TMEM40: variants seen among roughly 807,000 people sequenced by gnomAD.
TMEM40 encodes transmembrane protein 40.
In TMEM40, 34 loss-of-function variants were observed where a neutral mutation model predicts 40.8. The ratio of observed to expected loss-of-function variants is 0.83; its 90% CI spans 0.63 to 1.11. The LOEUF is 1.11. TMEM40 is among the 50% of genes least tolerant of loss of function. The pLI is 0.00. For missense variants in TMEM40, 296 were observed against 280.2 expected (o/e 1.06, Z -0.40); for synonymous variants, 106 against 107.0 (o/e 0.99, Z 0.06).
chr3:12,753,870 C>G (rs1310160461), intron 1 of TMEM40, among the ~76,000 whole-genome samples: 1 of 152,226 alleles, frequency 6.6e-6, no homozygotes, highest in Admixed American at 6.5e-5. Flanking sequence ...CTTCTGCTGT[C>G]ACAGGGCCTG....
chr3:12,750,688 T>C (rs1178827065), intron 1 of TMEM40, among the ~76,000 whole-genome samples: 1 of 152,088 alleles, frequency 6.6e-6, no homozygotes, highest in Admixed American at 6.6e-5. Flanking sequence ...GTTAAGGCAA[T>C]CCTCCCACCG....
chr3:12,745,155 G>A (rs778643816), intron 3 of TMEM40, among the ~76,000 whole-genome samples: 5 of 151,766 alleles, frequency 3.3e-5, no homozygotes, highest in African/African-American at 7.3e-5. Context: ...CACCTCCCAG[G>A]CACAAGCGAT....
chr3:12,747,910 C>CAAAAAAAAAA (rs747586371), intron 3 of TMEM40, among the ~76,000 whole-genome samples: 9 of 27,568 alleles, frequency 3.3e-4, no homozygotes, highest in African/African-American at 8.8e-4. Context: ...GATTCTGTCT[C>CAAAAAAAAAA]AAAAAAAAAA....
chr3:12,762,781 C>T (rs753958507), upstream of TMEM40, among the ~76,000 whole-genome samples: 3 of 152,172 alleles, frequency 2.0e-5, no homozygotes, highest in Non-Finnish European at 4.4e-5. Flanking sequence ...GACCCCATCC[C>T]GGGCCTGAAT....
chr3:12,755,278 T>TCTTTCTTC (rs2061518531), intron 1 of TMEM40, among the ~76,000 whole-genome samples: 2 of 127,568 alleles, frequency 1.6e-5, no homozygotes, highest in Admixed American at 7.8e-5. Flanking sequence ...TTTCTTTCTT[T>TCTTTCTTC]CTTTCTTCTT....
intron 10 of TMEM40, 26 bp from the exon 11 acceptor site, chr3:12,735,643 A>C: frequency 6.2e-7 from 1 of 1,606,162 alleles, no homozygotes; most frequent in East Asian, 2.2e-5. Flanking sequence ...GAAAAAAGTA[A>C]GTTAAGTTTG....
At chr3:12,745,605 T>G (rs775629106) in intron 3 of TMEM40, among the ~76,000 whole-genome samples, 7 of 152,120 alleles carry the variant, frequency 4.6e-5, no homozygotes, top group South Asian at 2.1e-4. Flanking sequence ...TGTGCCACCA[T>G]GCCCAGCTAA....
At chr3:12,753,796 G>C (rs2061497587) in intron 1 of TMEM40, among the ~76,000 whole-genome samples, 1 of 152,172 alleles carries the variant, frequency 6.6e-6, no homozygotes, top group Non-Finnish European at 1.5e-5. Context: ...TGGTGCCAGG[G>C]CCTCTGTACC....
intron 1 of TMEM40, among the ~76,000 whole-genome samples, chr3:12,752,215 A>C (rs2061483029): frequency 1.3e-5 from 2 of 152,138 alleles, no homozygotes; most frequent in Admixed American, 6.5e-5. Context: ...CAACCTTCTG[A>C]GTAGGTAGGA....
intron 3 of TMEM40, among the ~76,000 whole-genome samples, chr3:12,748,187 G>T (rs1420119824): frequency 2.0e-5 from 3 of 152,124 alleles, no homozygotes; most frequent in Admixed American, 2.0e-4. Flanking sequence ...ATTATGTATT[G>T]CTCTCATCCC....
In TMEM40 at chr3:12,743,928, A is replaced by G. The variant is rs2061402841; in HGVS notation, c.273T>C (p.Ala91=). ...GTGAGCCGTTCCCGTGGGGGTATCC[A>G]GCCCCCAGGCTCCGTCGATGTTTTC... is the stretch of plus-strand genomic sequence containing the variant. The part of the protein sequence containing the change: ...ATGKHRRSLG[A]GYPHGNGSPG... Residue 91 remains alanine (A), a synonymous_variant, in exon 4 of 12, where the codon GCT becomes GCC. Coordinates refer to ENST00000314124, the MANE Select transcript of TMEM40 (RefSeq NM_018306.4). 6.2e-7 allele frequency: 1 copy of G among 1,613,416 alleles called. No individual in the cohort carries two copies. Among genetic ancestry groups the G allele is most frequent in the Non-Finnish European group, 8.5e-7 (1 of 1,179,772 alleles).
chr3:12,748,875 C>A, intron 2 of TMEM40, 83 bp from the exon 3 acceptor site: 1 of 1,299,500 alleles, frequency 7.7e-7, no homozygotes, highest in Non-Finnish European at 1.1e-6. Context: ...CAGGGTTCTA[C>A]TTGGATTTGG....
chr3:12,761,942 A>G (rs953334249), upstream of TMEM40, among the ~76,000 whole-genome samples: 5 of 152,204 alleles, frequency 3.3e-5, no homozygotes, highest in Admixed American at 6.5e-5. Context: ...TGTATTGATT[A>G]TCTATTAAAA....
chr3:12,768,291 G>A (rs1423965154), intron 1 of TMEM40, among the ~76,000 whole-genome samples: 1 of 152,144 alleles, frequency 6.6e-6, no homozygotes, highest in Non-Finnish European at 1.5e-5. Flanking sequence ...TGGACCCAAA[G>A]AGCAAAACAA....
intron 8 of TMEM40, among the ~76,000 whole-genome samples, chr3:12,737,087 C>T (rs930869232): frequency 6.6e-6 from 1 of 152,048 alleles, no homozygotes; most frequent in African/African-American, 2.4e-5. Flanking sequence ...GCTATGTTGC[C>T]CAGGCTGGTC....
upstream of TMEM40, among the ~76,000 whole-genome samples, chr3:12,760,983 C>T (rs1361011172): frequency 2.0e-5 from 3 of 152,220 alleles, no homozygotes; most frequent in Non-Finnish European, 4.4e-5. Context: ...AGCGATCCTC[C>T]GGCCTTGGCC....
rs1195856797 is a variant in TMEM40, at chr3:12,748,746, A to C, written c.120T>G (p.Phe40Leu). 1.2e-6 allele frequency: 2 copies of C among 1,614,144 alleles called. No homozygotes were observed. Among genetic ancestry groups the C allele is most frequent in the African/African-American group, 1.3e-5 (1 of 75,036 alleles). Reference sequence around the variant, plus strand: ...TGTTTCTCTCATATTGTTCTTGGGAAAAGAGTCCAGCCTTCCCATCTTGCT... The same window carrying C: ...TGTTTCTCTCATATTGTTCTTGGGACAAGAGTCCAGCCTTCCCATCTTGCT... ...FHKQDGKAGL[F>L]SQEQYERNKS... The change falls in exon 3 of 12, where the codon TTT (phenylalanine) becomes TTG (leucine). Residue 40 changes from phenylalanine to leucine, a missense_variant. Physicochemically the swap from Phe to Leu is conservative, Grantham distance 22. Transcript: ENST00000314124.
chr3:12,769,203 A>G, intron 1 of TMEM40: 1 of 353,740 alleles, frequency 2.8e-6, no homozygotes, highest in Non-Finnish European at 6.1e-6. Context: ...GCCGGCCCTC[A>G]AGTGCTGCGT....
At chr3:12,743,056 C>T (rs535963014) in intron 4 of TMEM40, among the ~76,000 whole-genome samples, 1 of 152,214 alleles carries the variant, frequency 6.6e-6, no homozygotes, top group African/African-American at 2.4e-5. Context: ...TTATTAAACA[C>T]CTTCTGTGTG....
Sources: allele counts gnomAD v4.1 joint callset (sites outside exome capture counted in the v4.1 genomes callset), GRCh38; gene constraint gnomAD v4.1.1; transcripts MANE v1.5; gene names NCBI Gene and HGNC (gene_info 2026-07-23, HGNC 2026-07-21).